The following QSOX1 variants were observed in gnomAD, a reference collection of about 807,000 sequenced individuals.
QSOX1 encodes sulfhydryl oxidase 1.
A neutral mutation model predicts 76.1 loss-of-function variants in QSOX1; 40 were observed. That is an observed-to-expected ratio of 0.53 (90% CI 0.41 to 0.68). The LOEUF (loss-of-function observed/expected upper bound fraction) is 0.68, where lower values mean the gene tolerates loss of function less well. Ranked by LOEUF, QSOX1 falls within the 30% of genes least tolerant of loss-of-function variation. QSOX1 has a pLI of 0.00. For missense variants in QSOX1, 931 were observed against 974.3 expected, an observed-to-expected ratio of 0.96 and a Z score of 0.59; for synonymous variants, 392 against 413.1, an observed-to-expected ratio of 0.95 and a Z score of 0.62.
chr1:180,197,808 G>C lies in QSOX1; in HGVS notation c.*771G>C. 7.4e-6 allele frequency: 2 copies of C among 270,956 alleles called. No individual in the cohort carries two copies. The highest frequency in any genetic ancestry group is 7.3e-6 in the Non-Finnish European group (1 of 137,212). 16.8% of individuals were successfully genotyped at this position (270,956 alleles called of 1,614,324 possible). A position where few individuals can be genotyped will look rare whatever the true frequency, so the allele number is the denominator to read the frequency against. ...CCCCCCATTGAGCTCTGCTCCCTCT[G>C]AGCCTGGTCTTTTGTCCTTTTTTAT... On this transcript the variant is annotated 3_prime_UTR_variant, in exon 12 of 12. Transcript: ENST00000367602.
Position 180,199,096 on chromosome 1 carries a change from C to T in QSOX1, c.*2059C>T, listed in dbSNP as rs1271947246. 2 of 152,368 alleles carry T rather than the reference C, an allele frequency of 1.3e-5. No individual in the cohort carries two copies. Among genetic ancestry groups the T allele is most frequent in the Non-Finnish European group, 2.9e-5 (2 of 68,156 alleles). 9.4% of individuals were successfully genotyped at this position (152,368 alleles called of 1,614,324 possible). On this transcript the variant is annotated 3_prime_UTR_variant, in exon 12 of 12. Transcript: ENST00000367602. Reference sequence around the variant, plus strand: ...AGGTCCACGGAGTGGTGTGGACCTCCCACCTCACAGCTGCCTCTGGCAGCC... The same window carrying T: ...AGGTCCACGGAGTGGTGTGGACCTCTCACCTCACAGCTGCCTCTGGCAGCC...
chr1:180,171,219 C>G (rs960576314), intron 2 of QSOX1, among the ~76,000 whole-genome samples: 1 of 152,172 alleles, frequency 6.6e-6, no homozygotes, highest in African/African-American at 2.4e-5. Context: ...CCCAAAAATA[C>G]GTCATCATCT....
intron 2 of QSOX1, among the ~76,000 whole-genome samples, chr1:180,172,612 C>G (rs1662788384): frequency 6.6e-6 from 1 of 152,172 alleles, no homozygotes; most frequent in African/African-American, 2.4e-5. Flanking sequence ...CTCCACCTCC[C>G]AGGTTCAAGC....
intron 8 of QSOX1, among the ~76,000 whole-genome samples, chr1:180,189,326 TC>T (rs1663249261): frequency 6.6e-6 from 1 of 152,176 alleles, no homozygotes; most frequent in Admixed American, 6.5e-5. Flanking sequence ...CCCTACCCTG[TC>T]TTCTAGCCTT....
rs775364865 is a variant in QSOX1 at position 180,196,287 on chromosome 1, C to T, written c.1494C>T (p.Phe498=). The change falls in exon 12 of 12, where the codon TTC becomes TTT. Residue 498 remains phenylalanine, a synonymous_variant. Coordinates refer to ENST00000367602, the MANE Select transcript of QSOX1 (RefSeq NM_002826.5). This position sits in a 1 kb window ranked among gnomAD's most constrained non-coding sequence, Gnocchi z 4.1. ...GTGCCCCCAGCGAGGACCCCCAGTT[C>T]CCCAAGGTGCAGTGGCCACCCCGTG... ...LAGAPSEDPQ[F]PKVQWPPREL... 5 of 1,612,758 alleles carry T rather than the reference C, an allele frequency of 3.1e-6. No individual in the cohort carries two copies. The highest frequency in any genetic ancestry group is 1.7e-4 in the Middle Eastern group (1 of 6,060).
chr1:180,163,997 G>A (rs1274624112), intron 1 of QSOX1, among the ~76,000 whole-genome samples: 1 of 152,178 alleles, frequency 6.6e-6, no homozygotes, highest in Non-Finnish European at 1.5e-5. Context: ...ACCAGATCAC[G>A]GGTTCATGCC....
intron 1 of QSOX1, among the ~76,000 whole-genome samples, chr1:180,158,318 GC>G (rs901188165): frequency 6.6e-6 from 1 of 152,170 alleles, no homozygotes; most frequent in African/African-American, 2.4e-5. Flanking sequence ...TGTTGGTTTT[GC>G]CCCCCTTCTC....
Position 180,197,790 on chromosome 1 carries a change from T to C in QSOX1, c.*753T>C, listed in dbSNP as rs892459331. On this transcript the variant is annotated 3_prime_UTR_variant, in exon 12 of 12. Transcript: ENST00000367602. ...AGATGGCTGCTTTCACTTCCCCCCA[T>C]TGAGCTCTGCTCCCTCTGAGCCTGG... 3 of 265,602 alleles carry C rather than the reference T, an allele frequency of 1.1e-5. No homozygotes were observed. The highest frequency in any genetic ancestry group is 2.2e-5 in the Non-Finnish European group (3 of 134,858). 16.5% of individuals were successfully genotyped at this position (265,602 alleles called of 1,614,324 possible). A position where few individuals can be genotyped will look rare whatever the true frequency, so the allele number is the denominator to read the frequency against.
rs1450841635 is a variant in QSOX1 at position 180,196,834 on chromosome 1, A to G, written c.2041A>G (p.Ile681Val). 1 of 1,608,708 alleles carries G rather than the reference A, an allele frequency of 6.2e-7. No individual in the cohort carries two copies. Among genetic ancestry groups the G allele is most frequent in the South Asian group, 1.1e-5 (1 of 90,664 alleles). The change falls in exon 12 of 12, where the codon ATC becomes GTC. Residue 681 changes from isoleucine to valine, a missense_variant. Coordinates refer to ENST00000367602, the MANE Select transcript of QSOX1 (RefSeq NM_002826.5). The surrounding 1 kb of genome is among the most constrained non-coding windows in gnomAD (Gnocchi z 4.1). Reference sequence around the variant, plus strand: ...CCGCAGCTCCAAGCAGCTGGTCGACATCCCTGAGGGCCAGCTGGAGGCCCG... The same window carrying G: ...CCGCAGCTCCAAGCAGCTGGTCGACGTCCCTGAGGGCCAGCTGGAGGCCCG... ...VGRSSKQLVD[I>V]PEGQLEARAG... is the part of the protein sequence containing the mutation.
chr1:180,155,195 TC>T (rs1466978254), intron 1 of QSOX1, 23 bp downstream of exon 1: 2 of 1,466,766 alleles, frequency 1.4e-6, no homozygotes, highest in South Asian at 2.7e-5. Flanking sequence ...GGCGGCCCGC[TC>T]CCCCGTGCCC....
At chr1:180,169,673 G>A (rs1558185442) in intron 2 of QSOX1, among the ~76,000 whole-genome samples, 1 of 152,266 alleles carries the variant, frequency 6.6e-6, no homozygotes, top group Non-Finnish European at 1.5e-5. Flanking sequence ...CCGTGGGGCT[G>A]CTGGTAGCTG....
chr1:180,184,188 C>G (rs1663111199), intron 7 of QSOX1, 138 bp downstream of exon 7: 2 of 1,201,144 alleles, frequency 1.7e-6, no homozygotes, highest in South Asian at 2.9e-5. Context: ...AGGCTGTCCC[C>G]CACCCTGGGG....
At position 180,154,885 on chromosome 1, in the gene QSOX1, T is replaced by A. The variant is rs950878999; in HGVS notation, c.-23T>A. 2 of 1,390,384 alleles carry A rather than the reference T, an allele frequency of 1.4e-6. No homozygotes were observed. The highest frequency in any genetic ancestry group is 3.0e-5 in the African/African-American group (2 of 65,800). 86.1% of individuals were successfully genotyped at this position (1,390,384 alleles called of 1,614,324 possible). A position where few individuals can be genotyped will look rare whatever the true frequency, so the allele number is the denominator to read the frequency against. On this transcript the variant is annotated 5_prime_UTR_variant, in exon 1 of 12. Coordinates refer to ENST00000367602, the MANE Select transcript of QSOX1 (RefSeq NM_002826.5). Reference sequence around the variant, plus strand: ...ACCCGACTCATCCGGTGCTTGCGTGTGGTGGTGAGCGCAGCGCCGAGGATG... The same window carrying A: ...ACCCGACTCATCCGGTGCTTGCGTGAGGTGGTGAGCGCAGCGCCGAGGATG...
chr1:180,176,738 G>A (rs1309404368), intron 4 of QSOX1, among the ~76,000 whole-genome samples: 1 of 152,206 alleles, frequency 6.6e-6, no homozygotes, highest in African/African-American at 2.4e-5. Context: ...TGCCCACCTC[G>A]GAGGACTCTT....
rs533466567 is a variant in QSOX1, at chr1:180,168,210, C to T, written c.366+1619C>T. Among the ~76,000 whole-genome samples, 42 of 152,364 alleles carry T rather than the reference C, an allele frequency of 2.8e-4. No individual in the cohort carries two copies. The East Asian group carries it at 7.5e-3, about 27-fold the overall frequency. On this transcript the variant is annotated intron_variant, in intron 2 of 11. Coordinates refer to ENST00000367602, the MANE Select transcript of QSOX1 (RefSeq NM_002826.5). ...GCGCCACCCCATGTCACGCAGCGCACGCAGCCTGGATGCCTCAGGTGAGTC... is the reference window on the plus strand; with the variant it reads ...GCGCCACCCCATGTCACGCAGCGCATGCAGCCTGGATGCCTCAGGTGAGTC...
rs1318943926 is a variant in QSOX1 at position 180,155,094 on chromosome 1, G to A, written c.187G>A (p.Val63Met). The change falls in exon 1 of 12, where the codon GTG becomes ATG. Residue 63 changes from valine (V) to methionine (M), a missense_variant. Physicochemically the swap from Val to Met is conservative, Grantham distance 21 (BLOSUM62 1). Transcript: ENST00000367602. ...AVLGSRSAWA[V>M]EFFASWCGHC... Reference sequence around the variant, plus strand: ...GCTGGGCTCCCGCAGCGCCTGGGCCGTGGAGTTCTTCGCCTCCTGGTGCGG... The same window carrying A: ...GCTGGGCTCCCGCAGCGCCTGGGCCATGGAGTTCTTCGCCTCCTGGTGCGG... The A allele has an allele frequency of 2.2e-5, 34 of 1,523,048 alleles. No individual in the cohort carries two copies. Among genetic ancestry groups the A allele is most frequent in the Non-Finnish European group, 2.8e-5 (32 of 1,140,844 alleles). The allele number at this position is 1,523,048 out of a possible 1,614,324, so 94.3% of individuals were successfully genotyped here. A position where few individuals can be genotyped will look rare whatever the true frequency, so the allele number is the denominator to read the frequency against.
In QSOX1 at chr1:180,155,124, T is replaced by C; in HGVS notation, c.217T>C (p.Cys73Arg). Residue 73 changes from cysteine to arginine, a missense_variant, in exon 1 of 12, where the codon TGC becomes CGC. Physicochemically the swap from Cys to Arg is radical, Grantham distance 180. Transcript: ENST00000367602. ...VEFFASWCGHCIAFAPTWKAL... is the reference protein window; with the variant it reads ...VEFFASWCGHRIAFAPTWKAL... ...GTTCTTCGCCTCCTGGTGCGGCCAC[T>C]GCATCGCCTTCGCCCCGACGTGGAA... 6.6e-7 allele frequency: 1 copy of C among 1,522,366 alleles called. No individual in the cohort carries two copies. Among genetic ancestry groups the C allele is most frequent in the Non-Finnish European group, 8.8e-7 (1 of 1,139,578 alleles). The allele number at this position is 1,522,366 out of a possible 1,614,324, so 94.3% of individuals were successfully genotyped here. A position where few individuals can be genotyped will look rare whatever the true frequency, so the allele number is the denominator to read the frequency against.
At position 180,201,950 on chromosome 1, in the gene QSOX1, C is replaced by G. The variant is rs1663644800; in HGVS notation, c.*4913C>G. On this transcript the variant is annotated 3_prime_UTR_variant, in exon 12 of 12. Coordinates refer to ENST00000367602, the MANE Select transcript of QSOX1 (RefSeq NM_002826.5). ...ACTCACTCACCAATGGCCGTGGGAG[C>G]CAGTGGCCTCGGCGAGGGTCAGTTG... 1 of 152,310 alleles carries G rather than the reference C, an allele frequency of 6.6e-6. No individual in the cohort carries two copies. Among genetic ancestry groups the G allele is most frequent in the African/African-American group, 2.4e-5 (1 of 41,456 alleles). 9.4% of individuals were successfully genotyped at this position (152,310 alleles called of 1,614,324 possible).
At chr1:180,166,456 C>T in intron 1 of QSOX1, 35 bp from the exon 2 acceptor site, 9 of 1,563,472 alleles carry the variant, frequency 5.8e-6, no homozygotes, top group South Asian at 3.3e-5. Flanking sequence ...GGTACCAGCC[C>T]CTCTTATTTA....
Sources: allele counts gnomAD v4.1 joint callset (sites outside exome capture counted in the v4.1 genomes callset), GRCh38; gene constraint gnomAD v4.1.1; non-coding constraint Gnocchi (gnomAD v3.1); transcripts MANE v1.5; gene names NCBI Gene and HGNC (gene_info 2026-07-23, HGNC 2026-07-21).